The following RELN variants were observed in gnomAD, a reference collection of about 807,000 sequenced individuals.
RELN encodes reelin.
RELN carries 108 observed loss-of-function variants against 427.6 expected under a neutral mutation model. The ratio of observed to expected loss-of-function variants is 0.25; its 90% confidence interval spans 0.22 to 0.30. The LOEUF is 0.30. Among genes scored for constraint, RELN ranks in the 10% least tolerant of loss-of-function variants. The pLI, the probability that RELN is intolerant of heterozygous loss-of-function variation, is 1.00. For synonymous variants in RELN, 1,524 were observed against 1,513.4 expected, an observed-to-expected ratio of 1.01 and a Z score of -0.16; for missense variants, 3,715 against 4,302.8, an observed-to-expected ratio of 0.86 and a Z score of 3.82.
intron 3 of RELN, among the ~76,000 whole-genome samples, chr7:103,799,500 A>T (rs1792391812): frequency 6.6e-6 from 1 of 152,148 alleles, no homozygotes. Context: ...TAACCTAACC[A>T]TCTCCTACCT....
At position 103,483,800 on chromosome 7, in the gene RELN, C is replaced by T. The variant is rs1434867223; in HGVS notation, c.10034G>A (p.Cys3345Tyr). 6.2e-7 allele frequency: 1 copy of T among 1,613,956 alleles called. No homozygotes were observed. Among genetic ancestry groups the T allele is most frequent in the Non-Finnish European group, 8.5e-7 (1 of 1,179,918 alleles). The change falls in exon 62 of 65, where the codon TGC becomes TAC. Residue 3345 changes from cysteine to tyrosine, a missense_variant. By Grantham distance (194) the Cys-to-Tyr change is radical. Around this residue, in one of 4 missense-constraint regions of RELN, gnomAD observed 195 missense variants for 281.3 expected, o/e 0.69. Coordinates refer to ENST00000428762, the MANE Select transcript of RELN (RefSeq NM_005045.4). ...QIGSMSQTDS[C>Y]NSDLSGPHAV... ...GTGGGGGCCACTCAGGTCACTGTTG[C>T]AGCTGTCCGTCTGCGACATGCTCCC...
At chr7:103,595,095 T>C (rs1831507548) in intron 25 of RELN, among the ~76,000 whole-genome samples, 1 of 152,178 alleles carries the variant, frequency 6.6e-6, no homozygotes, top group Non-Finnish European at 1.5e-5. Context: ...TTTAAAATAA[T>C]TTTGTGTATG....
intron 53 of RELN, among the ~76,000 whole-genome samples, chr7:103,499,587 C>G (rs1828954956): frequency 1.4e-5 from 2 of 147,576 alleles, no homozygotes; most frequent in Admixed American, 6.6e-5. Flanking sequence ...TAAACAGTTT[C>G]TTTTTCTCAA....
chr7:103,595,090 A>G (rs1387987813), intron 25 of RELN, among the ~76,000 whole-genome samples: 1 of 152,196 alleles, frequency 6.6e-6, no homozygotes, highest in Non-Finnish European at 1.5e-5. Context: ...TATATTTTAA[A>G]ATAATTTTGT....
At chr7:103,611,031 G>T (rs1714429588) in intron 21 of RELN, among the ~76,000 whole-genome samples, 1 of 152,112 alleles carries the variant, frequency 6.6e-6, no homozygotes, top group South Asian at 2.1e-4. Flanking sequence ...GTGCCATAAA[G>T]AAATTGAGTA....
At chr7:103,976,114 G>C (rs1254455472) in intron 1 of RELN, among the ~76,000 whole-genome samples, 1 of 152,196 alleles carries the variant, frequency 6.6e-6, no homozygotes, top group Non-Finnish European at 1.5e-5. Flanking sequence ...GTGCTACAGG[G>C]TTTGAGAGGC....
In RELN at chr7:103,472,793, A is replaced by G. The variant is rs1479541905; in HGVS notation, c.*19T>C. Reference sequence around the variant, plus strand: ...AACACATCACATGTTGGAAGAAAAAAAATAAACTTTTTGATTCTTCATGGG... The same window carrying G: ...AACACATCACATGTTGGAAGAAAAAGAATAAACTTTTTGATTCTTCATGGG... On this transcript the variant is annotated 3_prime_UTR_variant, in exon 65 of 65. Transcript: ENST00000428762. 7 of 1,592,846 alleles carry G rather than the reference A, an allele frequency of 4.4e-6. No homozygotes were observed. The highest frequency in any genetic ancestry group is 4.5e-5 in the East Asian group (2 of 44,760).
At chr7:103,637,709 T>C (rs1584365691) in intron 17 of RELN, among the ~76,000 whole-genome samples, 1 of 152,188 alleles carries the variant, frequency 6.6e-6, no homozygotes. Context: ...TGTTGTCTAA[T>C]GGACTTAGAC....
At chr7:103,931,126 G>A (rs558081952) in intron 1 of RELN, among the ~76,000 whole-genome samples, 14 of 151,970 alleles carry the variant, frequency 9.2e-5, no homozygotes, top group East Asian at 1.9e-4. Flanking sequence ...TTTATTAGGC[G>A]GGTACCAAGA....
At chr7:103,829,312 C>A (rs1434636294) in intron 3 of RELN, among the ~76,000 whole-genome samples, 2 of 151,748 alleles carry the variant, frequency 1.3e-5, no homozygotes, top group Non-Finnish European at 1.5e-5. Flanking sequence ...CTCTTTCCCT[C>A]CTTCCTCCTC....
chr7:103,601,105 C>T (rs1203967446), intron 24 of RELN, among the ~76,000 whole-genome samples: 2 of 142,666 alleles, frequency 1.4e-5, no homozygotes, highest in South Asian at 2.4e-4. Flanking sequence ...TAACCCTTTA[C>T]ATGTTAAAAT....
rs188216909 is a variant in RELN, at chr7:103,770,190, T to C, written c.544+6367A>G. Reference sequence around the variant, plus strand: ...ACCCCCACCTCCTGGGTTCAAGCAATTCTCCTGCCTCAGCGTCCTGAATAG... The same window carrying C: ...ACCCCCACCTCCTGGGTTCAAGCAACTCTCCTGCCTCAGCGTCCTGAATAG... On this transcript the variant is annotated intron_variant, in intron 4 of 64. Coordinates refer to ENST00000428762, the MANE Select transcript of RELN (RefSeq NM_005045.4). Among the ~76,000 whole-genome samples, 4 of 152,300 alleles carry C rather than the reference T, an allele frequency of 2.6e-5. No homozygotes were observed. The East Asian group carries it at 7.7e-4, about 29-fold the overall frequency.
At chr7:103,533,531 T>C (rs962465418) in intron 46 of RELN, among the ~76,000 whole-genome samples, 5 of 152,188 alleles carry the variant, frequency 3.3e-5, no homozygotes, top group Admixed American at 2.6e-4. Context: ...CCATGCACAT[T>C]TCTTTCTGAA....
rs371204873 is a variant in RELN at position 103,640,647 on chromosome 7, T to C, written c.2003-38A>G. ...AAAAGAGAACATAATTACAAAAACA[T>C]AGAACACTACCAGTACAATTTTGTG... On this transcript the variant is annotated intron_variant, in intron 16 of 64. Coordinates refer to ENST00000428762, the MANE Select transcript of RELN (RefSeq NM_005045.4). This position sits in a 1 kb window ranked among gnomAD's most constrained non-coding sequence, Gnocchi z 4.1. 7.5e-6 allele frequency: 12 copies of C among 1,601,126 alleles called. No individual in the cohort carries two copies. Among genetic ancestry groups the C allele is most frequent in the African/African-American group, 2.7e-5 (2 of 74,560 alleles).
rs1213510856 is a variant in RELN, at chr7:103,569,384, CCATT to C, written c.4589-2629_4589-2626del. 6.6e-6 allele frequency among the ~76,000 whole-genome samples: 1 copy of C among 152,206 alleles called. No individual in the cohort carries two copies. Among genetic ancestry groups the C allele is most frequent in the African/African-American group, 2.4e-5 (1 of 41,462 alleles). ...CCTCACCAGAGACCCTGGGCCAGAACCATTTAGCTAAGCTGCTCCAAAATTCCTG... is the reference window on the plus strand; with the variant it reads ...CCTCACCAGAGACCCTGGGCCAGAACTAGCTAAGCTGCTCCAAAATTCCTG... On this transcript the variant is annotated intron_variant, in intron 31 of 64. Transcript: ENST00000428762. The surrounding 1 kb of genome is among the most constrained non-coding windows in gnomAD (Gnocchi z 4.0).
chr7:103,963,179 T>C (rs1796597686), intron 1 of RELN, among the ~76,000 whole-genome samples: 1 of 149,530 alleles, frequency 6.7e-6, no homozygotes, highest in East Asian at 2.0e-4. Context: ...CTCTTCCTCC[T>C]CATTCCTCTG....
intron 3 of RELN, among the ~76,000 whole-genome samples, chr7:103,832,144 T>C (rs138675417): frequency 3.9e-5 from 6 of 152,284 alleles, no homozygotes; most frequent in Middle Eastern, 3.4e-3. Flanking sequence ...GACACTGAAC[T>C]GTTTGTCATC....
Position 103,971,131 on chromosome 7 carries a change from G to A in RELN, c.226+18000C>T, listed in dbSNP as rs571966661. ...CGTGCCACTGCACTCGAGCCTGGGCGACAAGAGTGAGACTCTATCTCAAAA... is the reference window on the plus strand; with the variant it reads ...CGTGCCACTGCACTCGAGCCTGGGCAACAAGAGTGAGACTCTATCTCAAAA... On this transcript the variant is annotated intron_variant, in intron 1 of 64. Coordinates refer to ENST00000428762, the MANE Select transcript of RELN (RefSeq NM_005045.4). Among the ~76,000 whole-genome samples, 377 of 140,660 alleles carry A rather than the reference G, an allele frequency of 2.7e-3. 2 individuals are homozygous for A. Among genetic ancestry groups the A allele is most frequent in the African/African-American group, 9.5e-3 (357 of 37,672 alleles). The allele number at this position is 140,660 out of a possible 152,430, so 92.3% of individuals were successfully genotyped here. A position where few individuals can be genotyped will look rare whatever the true frequency, so the allele number is the denominator to read the frequency against.
At chr7:103,898,914 T>C (rs1414115380) in intron 2 of RELN, among the ~76,000 whole-genome samples, 1 of 152,066 alleles carries the variant, frequency 6.6e-6, no homozygotes, top group Admixed American at 6.6e-5. Context: ...GTATTAGATG[T>C]TTTAAGATTA....
Sources: allele counts gnomAD v4.1 joint callset (sites outside exome capture counted in the v4.1 genomes callset), GRCh38; gene constraint gnomAD v4.1.1; regional missense constraint gnomAD v4.1.1; non-coding constraint Gnocchi (gnomAD v3.1); transcripts MANE v1.5; gene names NCBI Gene and HGNC (gene_info 2026-07-23, HGNC 2026-07-21).